AOPEP: variants seen among roughly 807,000 people sequenced by gnomAD.
AOPEP encodes aminopeptidase O (putative), also known as aminopeptidase O.
Under a neutral mutation model 98.1 loss-of-function variants are expected in AOPEP, and 77 were observed. That is an observed-to-expected ratio of 0.78 (90% CI 0.65 to 0.95). The LOEUF is 0.95. AOPEP is among the 40% of genes least tolerant of loss of function. The pLI, the probability that AOPEP is intolerant of heterozygous loss-of-function variation, is 0.00. For missense variants in AOPEP, 1,024 were observed against 1,024.7 expected (o/e 1.00, Z 0.01); for synonymous variants, 346 against 365.3 (o/e 0.95, Z 0.60).
At chr9:95,095,613 T>C in the AOPEP span, among the ~76,000 whole-genome samples, 16 of 152,198 alleles carry the variant, frequency 1.1e-4, no homozygotes, top group Non-Finnish European at 7.4e-5. Flanking sequence ...TCTCCTGTGG[T>C]TTCTTGCTTT....
chr9:95,064,650 G>A (rs941801362), intron 14 of AOPEP, among the ~76,000 whole-genome samples: 6 of 152,144 alleles, frequency 3.9e-5, no homozygotes, highest in Admixed American at 6.5e-5. Context: ...TCCACAAGCT[G>A]GTATTTATCT....
chr9:94,863,427 C>T (rs1472180828), intron 5 of AOPEP, among the ~76,000 whole-genome samples: 2 of 152,016 alleles, frequency 1.3e-5, no homozygotes, highest in Non-Finnish European at 2.9e-5. Flanking sequence ...ACTACAGGCG[C>T]CCACCACCAC....
chr9:94,795,845 C>T (rs777934901), intron 4 of AOPEP, among the ~76,000 whole-genome samples: 1 of 152,200 alleles, frequency 6.6e-6, no homozygotes, highest in African/African-American at 2.4e-5. Context: ...CAACTCCTCT[C>T]TTGTCCTCCT....
At chr9:94,901,820 A>ACAG (rs1455230235) in intron 5 of AOPEP, among the ~76,000 whole-genome samples, 1 of 152,074 alleles carries the variant, frequency 6.6e-6, no homozygotes, top group Non-Finnish European at 1.5e-5. Flanking sequence ...GCACATCTGT[A>ACAG]ATCTTAGCTA....
At chr9:94,833,718 T>A (rs761557220) in intron 5 of AOPEP, among the ~76,000 whole-genome samples, 31 of 152,186 alleles carry the variant, frequency 2.0e-4, no homozygotes, top group Admixed American at 2.0e-3. Flanking sequence ...TAAACTTGTA[T>A]CATTGGCCAC....
chr9:95,068,403 T>C (rs1369650626), intron 14 of AOPEP, among the ~76,000 whole-genome samples: 1 of 152,232 alleles, frequency 6.6e-6, no homozygotes, highest in Non-Finnish European at 1.5e-5. Flanking sequence ...ATTCCTTTTT[T>C]TCACGTATTG....
intron 1 of AOPEP, among the ~76,000 whole-genome samples, chr9:94,732,164 G>T (rs531668943): frequency 4.6e-5 from 7 of 151,578 alleles, no homozygotes; most frequent in Admixed American, 3.3e-4. Context: ...ACTAATTACA[G>T]TATACTCTAG....
In AOPEP at chr9:95,010,981, C is replaced by G. The variant is rs1219584639; in HGVS notation, c.2115+5365C>G. The stretch of plus-strand genomic sequence containing the variant: ...GGGTCTCTGATTTTCCCTTGTAAAT[C>G]CCTAATAAATAATGTATTAAAGTTT... On this transcript the variant is annotated intron_variant, in intron 13 of 16. Transcript: ENST00000375315. 2.6e-5 allele frequency among the ~76,000 whole-genome samples: 4 copies of G among 151,160 alleles called. No individual in the cohort carries two copies. The East Asian group carries it at 7.8e-4, about 29-fold the overall frequency.
In AOPEP at chr9:94,967,788, C is replaced by A; in HGVS notation, c.1903C>A (p.Pro635Thr). Residue 635 changes from proline (P) to threonine (T), a missense_variant, in exon 10 of 17, where the codon CCA (proline) becomes ACA (threonine). Pro to Thr is a conservative substitution (Grantham distance 38). Around this residue, in one of 3 missense-constraint regions of AOPEP, gnomAD observed 566 missense variants for 551.7 expected, o/e 1.03. Transcript: ENST00000375315. The stretch of plus-strand genomic sequence containing the variant: ...CCTTCAAATGCTACTGGAGAACATT[C>A]CAGAAGAAAAAAGGTAAGGACCAAT... ...DFLQMLLENI[P>T]EEKRLELSVE... The A allele has an allele frequency of 3.1e-6, 5 of 1,612,782 alleles. No homozygotes were observed. The highest frequency in any genetic ancestry group is 4.2e-6 in the Non-Finnish European group (5 of 1,179,026).
chr9:94,760,922 C>T (rs1838129705), intron 2 of AOPEP, among the ~76,000 whole-genome samples: 1 of 152,198 alleles, frequency 6.6e-6, no homozygotes, highest in Admixed American at 6.5e-5. Flanking sequence ...AGTGATACGT[C>T]TCCGAGTGAA....
the AOPEP span, among the ~76,000 whole-genome samples, chr9:95,098,147 C>T: frequency 5.3e-4 from 80 of 152,300 alleles, 1 homozygote; most frequent in South Asian, 0.015. Context: ...TGCAAATCCT[C>T]CAGTGCATCC....
At chr9:94,862,018 A>T (rs1000285393) in intron 5 of AOPEP, among the ~76,000 whole-genome samples, 2 of 152,142 alleles carry the variant, frequency 1.3e-5, no homozygotes, top group African/African-American at 4.8e-5. Context: ...TCATCCTGTG[A>T]TCGTGGCTAG....
chr9:94,941,314 T>A (rs1189869793), intron 7 of AOPEP, among the ~76,000 whole-genome samples: 2 of 152,228 alleles, frequency 1.3e-5, no homozygotes, highest in African/African-American at 4.8e-5. Flanking sequence ...TCTCCTAAGG[T>A]CTCAACTGTA....
At chr9:94,949,058 T>TGGCTCTCCGTTTTTCTCTGTCTCTTTTG (rs2057906932) in intron 7 of AOPEP, among the ~76,000 whole-genome samples, 1 of 152,226 alleles carries the variant, frequency 6.6e-6, no homozygotes, top group Admixed American at 6.5e-5. Flanking sequence ...ATGGGTGTCT[T>TGGCTCTCCGTTTTTCTCTGTCTCTTTTG]GGCTCTCCGT....
chr9:95,103,993 G>T, the AOPEP span, among the ~76,000 whole-genome samples: 2 of 152,210 alleles, frequency 1.3e-5, no homozygotes, highest in Non-Finnish European at 2.9e-5. Flanking sequence ...GGAGGTGGCT[G>T]CGCTCGTGCT....
chr9:94,908,239 G>T (rs2051459906), intron 5 of AOPEP, among the ~76,000 whole-genome samples: 1 of 152,146 alleles, frequency 6.6e-6, no homozygotes, highest in Admixed American at 6.5e-5. Context: ...CCTTGGTGTG[G>T]CAGGCCACCG....
chr9:95,012,924 T>G (rs924777197), intron 13 of AOPEP, among the ~76,000 whole-genome samples: 25 of 150,508 alleles, frequency 1.7e-4, no homozygotes, highest in African/African-American at 5.6e-4. Context: ...TATTTTGTTT[T>G]TTTTTTTTAA....
At chr9:95,142,670 A>G in the AOPEP span, 6 of 152,210 alleles carry the variant, frequency 3.9e-5, no homozygotes, top group Admixed American at 1.3e-4. Context: ...TTATCCCACT[A>G]TACTTATAAA....
intron 13 of AOPEP, among the ~76,000 whole-genome samples, chr9:95,033,930 C>G (rs1169854005): frequency 2.0e-5 from 3 of 152,114 alleles, no homozygotes. Flanking sequence ...AAATTTATAT[C>G]AAATTATATT....
Sources: allele counts gnomAD v4.1 joint callset (sites outside exome capture counted in the v4.1 genomes callset), GRCh38; gene constraint gnomAD v4.1.1; regional missense constraint gnomAD v4.1.1; transcripts MANE v1.5; gene names NCBI Gene and HGNC (gene_info 2026-07-23, HGNC 2026-07-21).